Variants in RSF1 observed in about 807,000 individuals in gnomAD.
RSF1 encodes HBV pX-associated protein 8.
Under a neutral mutation model 145.2 loss-of-function variants are expected in RSF1, and 13 were observed. That is an observed-to-expected ratio of 0.09 (90% CI 0.06 to 0.14). The LOEUF (loss-of-function observed/expected upper bound fraction) is 0.14, where lower values mean the gene tolerates loss of function less well. Ranked by LOEUF, RSF1 falls within the 10% of genes least tolerant of loss-of-function variation. RSF1 has a pLI of 1.00. For missense variants in RSF1, 1,517 were observed against 1,718.2 expected, an observed-to-expected ratio of 0.88 and a Z score of 2.07; for synonymous variants, 577 against 592.6, an observed-to-expected ratio of 0.97 and a Z score of 0.38.
In RSF1 at chr11:77,667,481, C is replaced by A. The variant is rs1337133077; in HGVS notation, c.3762G>T (p.Leu1254Phe). ...LSSSESEESY[L>F]SKNSEDDELA... ...GCTCATCATCTTCAGAGTTCTTGGA[C>A]AAATAGCTCTCTAGAATAAACAGCA... Residue 1254 changes from leucine to phenylalanine, a missense_variant, in exon 16 of 16, where the codon TTG becomes TTT. This residue lies in a region of RSF1 where 240 missense variants were observed against 231.8 expected (regional missense o/e 1.04). Transcript: ENST00000308488. 3.1e-6 allele frequency: 5 copies of A among 1,609,030 alleles called. No homozygotes were observed. The highest frequency in any genetic ancestry group is 3.4e-6 in the Non-Finnish European group (4 of 1,179,022).
chr11:77,678,818 T>C (rs2135821281), intron 11 of RSF1, among the ~76,000 whole-genome samples: 1 of 152,208 alleles, frequency 6.6e-6, no homozygotes, highest in Middle Eastern at 3.4e-3. Context: ...AAGAACACCC[T>C]AGAAGGTGCC....
chr11:77,762,077 C>A (rs1948181585), intron 2 of RSF1: 1 of 116,704 alleles, frequency 8.6e-6, no homozygotes, highest in Admixed American at 1.1e-4. Context: ...CCATGTTGCC[C>A]AGGCTGGTCT....
chr11:77,847,383 T>A, the RSF1 span, among the ~76,000 whole-genome samples: 2 of 152,222 alleles, frequency 1.3e-5, no homozygotes, highest in African/African-American at 4.8e-5. Flanking sequence ...TTGTAAACAG[T>A]TATGCCTACA....
intron 4 of RSF1, among the ~76,000 whole-genome samples, chr11:77,735,583 A>C (rs1289625879): frequency 6.6e-6 from 1 of 152,212 alleles, no homozygotes; most frequent in African/African-American, 2.4e-5. Flanking sequence ...TGTTACTTTA[A>C]AGAAATTGTT....
intron 4 of RSF1, among the ~76,000 whole-genome samples, chr11:77,735,822 C>T (rs1446581979): frequency 6.6e-6 from 1 of 152,182 alleles, no homozygotes; most frequent in East Asian, 1.9e-4. Flanking sequence ...TCACTGCAAC[C>T]TCTGCCTACT....
chr11:77,866,384 C>T, the RSF1 span: 3 of 152,330 alleles, frequency 2.0e-5, no homozygotes, highest in East Asian at 3.9e-4. Flanking sequence ...GTGATTTGCC[C>T]TGAGGGATTG....
chr11:77,762,051 T>TTTTTTTTTTG (rs1948181028), intron 2 of RSF1: 1 of 137,422 alleles, frequency 7.3e-6, no homozygotes, highest in African/African-American at 2.7e-5. Flanking sequence ...TTTTTTTTTG[T>TTTTTTTTTTG]AGAGATGGGA....
chr11:77,871,183 C>A, the RSF1 span, among the ~76,000 whole-genome samples: 1 of 152,100 alleles, frequency 6.6e-6, no homozygotes, highest in East Asian at 1.9e-4. Flanking sequence ...TTTTATAAAT[C>A]TCAAATATAT....
At chr11:77,813,658 C>T (rs903643522) in intron 1 of RSF1, 10 of 557,112 alleles carry the variant, frequency 1.8e-5, no homozygotes, top group Admixed American at 4.5e-5. Flanking sequence ...CGTGTTTTTC[C>T]GGTAACCTTC....
chr11:77,759,521 T>C (rs1029092565), intron 2 of RSF1, among the ~76,000 whole-genome samples: 3 of 152,200 alleles, frequency 2.0e-5, no homozygotes, highest in South Asian at 4.1e-4. Context: ...CCGTCTTTAC[T>C]AAAAATACAA....
chr11:77,668,055 T>C (rs1959417307), intron 15 of RSF1, among the ~76,000 whole-genome samples: 1 of 151,912 alleles, frequency 6.6e-6, no homozygotes, highest in Admixed American at 6.6e-5. Flanking sequence ...TGGAGTATCA[T>C]GGCGCAAACT....
At chr11:77,782,129 G>C (rs138660610) in intron 1 of RSF1, among the ~76,000 whole-genome samples, 193 of 152,256 alleles carry the variant, frequency 1.3e-3, no homozygotes, top group African/African-American at 4.4e-3. Context: ...GCATATACCT[G>C]GGTCTTTCTT....
At chr11:77,737,887 T>C (rs1210623406) in intron 4 of RSF1, among the ~76,000 whole-genome samples, 5 of 152,150 alleles carry the variant, frequency 3.3e-5, no homozygotes, top group African/African-American at 1.2e-4. Context: ...CCCAGCACTT[T>C]GGGAGGCTGA....
chr11:77,732,799 T>C (rs1961240170), intron 4 of RSF1, among the ~76,000 whole-genome samples: 1 of 152,212 alleles, frequency 6.6e-6, no homozygotes, highest in Admixed American at 6.5e-5. Flanking sequence ...CCTCTTTCTT[T>C]TGCAAATTGC....
chr11:77,754,695 G>A (rs1245666227), intron 2 of RSF1, among the ~76,000 whole-genome samples: 2 of 152,030 alleles, frequency 1.3e-5, no homozygotes, highest in Non-Finnish European at 2.9e-5. Flanking sequence ...AGTGAGCTGA[G>A]GTCACACCAC....
chr11:77,678,585 C>G (rs1334612432), intron 11 of RSF1, among the ~76,000 whole-genome samples: 1 of 152,062 alleles, frequency 6.6e-6, no homozygotes, highest in Non-Finnish European at 1.5e-5. Flanking sequence ...CCTCAAAATC[C>G]CCATGTTGAA....
rs1336240707 is a variant in RSF1, at chr11:77,664,954, A to G, written c.*1963T>C. 2 of 152,338 alleles carry G rather than the reference A, an allele frequency of 1.3e-5. No individual in the cohort carries two copies. The highest frequency in any genetic ancestry group is 4.8e-5 in the African/African-American group (2 of 41,566). The allele number at this position is 152,338 out of a possible 1,614,324, so 9.4% of individuals were successfully genotyped here. ...GAACCACATGCTATTGGTGCATCCTATTTTTAGGTTGCTTTCATTATTTTA... is the reference window on the plus strand; with the variant it reads ...GAACCACATGCTATTGGTGCATCCTGTTTTTAGGTTGCTTTCATTATTTTA... On this transcript the variant is annotated 3_prime_UTR_variant, in exon 16 of 16. Transcript: ENST00000308488.
At chr11:77,831,362 A>G in the RSF1 span, among the ~76,000 whole-genome samples, 1 of 152,204 alleles carries the variant, frequency 6.6e-6, no homozygotes, top group Admixed American at 6.5e-5. Context: ...AAGAAAAATG[A>G]GCATATGTCC....
chr11:77,737,362 G>A (rs955665732), intron 4 of RSF1, among the ~76,000 whole-genome samples: 3 of 151,466 alleles, frequency 2.0e-5, no homozygotes, highest in Non-Finnish European at 4.4e-5. Context: ...GCAGAAGAAC[G>A]GCTTGAACCC....
Sources: allele counts gnomAD v4.1 joint callset (sites outside exome capture counted in the v4.1 genomes callset), GRCh38; gene constraint gnomAD v4.1.1; regional missense constraint gnomAD v4.1.1; transcripts MANE v1.5; gene names NCBI Gene and HGNC (gene_info 2026-07-23, HGNC 2026-07-21).